Variants in TBL1X observed in about 807,000 individuals in gnomAD.
TBL1X encodes the protein F-box-like/WD repeat-containing protein TBL1X.
TBL1X carries 10 observed loss-of-function variants against 50.7 expected under a neutral mutation model. That is an observed-to-expected ratio of 0.20 (90% CI 0.12 to 0.33). The LOEUF (loss-of-function observed/expected upper bound fraction) is 0.33. TBL1X is among the 10% of genes least tolerant of loss of function. The pLI, the probability that TBL1X is intolerant of heterozygous loss-of-function variation, is 1.00. For missense variants in TBL1X, 340 were observed against 504.4 expected, an observed-to-expected ratio of 0.67 and a Z score of 3.12; for synonymous variants, 190 against 214.7, an observed-to-expected ratio of 0.88 and a Z score of 1.01.
intron 2 of TBL1X, among the ~76,000 whole-genome samples, chrX:9,549,139 G>T (rs185341998): frequency 3.1e-4 from 35 of 112,498 alleles, no homozygotes; most frequent in African/African-American, 1.1e-3. Context: ...AGTCTGGATT[G>T]CCCCCCTTTC....
chrX:9,670,620 G>T (rs1601828774), intron 5 of TBL1X, among the ~76,000 whole-genome samples: 1 of 112,274 alleles, frequency 8.9e-6, no homozygotes, highest in African/African-American at 3.2e-5. Context: ...TGATTAAGTG[G>T]CTTTGCCCAC....
chrX:9,676,611 T>G (rs1178972837), intron 5 of TBL1X, among the ~76,000 whole-genome samples: 3 of 112,081 alleles, frequency 2.7e-5, no homozygotes, highest in African/African-American at 6.5e-5. Context: ...CAGCTTCATT[T>G]TACGCTAAAT....
intron 2 of TBL1X, among the ~76,000 whole-genome samples, chrX:9,564,227 C>G (rs1170570983): frequency 9.0e-6 from 1 of 111,187 alleles, no homozygotes; most frequent in Non-Finnish European, 1.9e-5. Context: ...CAAGACCAGC[C>G]TGGCCAACAC....
At chrX:9,685,714 T>C (rs201932174) in intron 6 of TBL1X, among the ~76,000 whole-genome samples, 1 of 81,000 alleles carries the variant, frequency 1.2e-5, no homozygotes, top group Admixed American at 1.8e-4. Context: ...TTTCTTTTCT[T>C]TTCTTTTTTT....
chrX:9,555,720 G>C (rs920214737), intron 2 of TBL1X, among the ~76,000 whole-genome samples: 22 of 111,943 alleles, frequency 2.0e-4, no homozygotes, highest in African/African-American at 6.8e-4. Context: ...TTCTCTCTCA[G>C]AGAACTTTCT....
intron 5 of TBL1X, among the ~76,000 whole-genome samples, chrX:9,664,564 C>T (rs2082916265): frequency 9.0e-6 from 1 of 110,852 alleles, no homozygotes; most frequent in Non-Finnish European, 1.9e-5. Flanking sequence ...TGCATTTTTA[C>T]TGGGGGAAAA....
intron 2 of TBL1X, among the ~76,000 whole-genome samples, chrX:9,579,582 A>C (rs2082429378): frequency 9.0e-6 from 1 of 111,528 alleles, no homozygotes; most frequent in African/African-American, 3.3e-5. Context: ...TGTGGTCGTC[A>C]TTTTCCTTTA....
At chrX:9,653,079 C>A (rs2082845505) in intron 3 of TBL1X, among the ~76,000 whole-genome samples, 1 of 112,096 alleles carries the variant, frequency 8.9e-6, no homozygotes, top group South Asian at 3.7e-4. Flanking sequence ...GCAGGAGAAT[C>A]CCTTGAACCC....
chrX:9,592,537 A>G (rs1346689842), intron 2 of TBL1X, among the ~76,000 whole-genome samples: 2 of 111,748 alleles, frequency 1.8e-5, no homozygotes, highest in Non-Finnish European at 3.8e-5. Flanking sequence ...AACATTCACA[A>G]TGTTGTGTAG....
At chrX:9,464,190 G>T (rs1166447546), upstream of TBL1X, among the ~76,000 whole-genome samples, 4 of 111,282 alleles carry the variant, frequency 3.6e-5, no homozygotes, top group Non-Finnish European at 7.6e-5. Flanking sequence ...GGAGGAAGGA[G>T]CGCTGGGGAC....
chrX:9,658,858 G>A (rs1304114474), intron 5 of TBL1X, among the ~76,000 whole-genome samples: 2 of 111,975 alleles, frequency 1.8e-5, no homozygotes, highest in Non-Finnish European at 3.8e-5. Context: ...AGGCTGGAGT[G>A]CAGTGGCACG....
Position 9,711,629 on chromosome X carries a change from G to A in TBL1X, c.1458G>A (p.Thr486=), listed in dbSNP as rs5979158. The change falls in exon 16 of 18, where the codon ACG becomes ACA. Residue 486 remains threonine, a synonymous_variant. Transcript: ENST00000645353. ...IMLASASFDS[T]VRLWDIERGV... is the part of the protein sequence containing the mutation. The stretch of plus-strand genomic sequence containing the variant: ...TTGCTAGTGCTTCGTTTGATTCTAC[G>A]GTGCGACTGTGGGACATAGAACGAG... The A allele has an allele frequency of 2.0e-3, 2,428 of 1,193,361 alleles. 37 individuals carry two copies. The African/African-American group carries it at 0.038, about 19-fold the overall frequency.
At chrX:9,508,379 C>G (rs1371952695) in intron 2 of TBL1X, among the ~76,000 whole-genome samples, 2 of 112,306 alleles carry the variant, frequency 1.8e-5, no homozygotes, top group Non-Finnish European at 3.8e-5. Flanking sequence ...AAATCAAAAC[C>G]TCAATGAGAT....
intron 2 of TBL1X, among the ~76,000 whole-genome samples, chrX:9,629,048 T>C (rs774885633): frequency 8.9e-6 from 1 of 112,585 alleles, no homozygotes; most frequent in African/African-American, 3.2e-5. Flanking sequence ...ACAAACCTGC[T>C]CTACTTGTGG....
chrX:9,476,212 C>T (rs2081848834), intron 1 of TBL1X, among the ~76,000 whole-genome samples: 1 of 111,867 alleles, frequency 8.9e-6, no homozygotes, highest in Non-Finnish European at 1.9e-5. Flanking sequence ...CATTTAGGCC[C>T]CAGTAAGAAA....
chrX:9,572,280 C>T (rs903225984), intron 2 of TBL1X, among the ~76,000 whole-genome samples: 1 of 112,706 alleles, frequency 8.9e-6, no homozygotes. Flanking sequence ...TAACCCTGTG[C>T]CAGCCCACAT....
At chrX:9,673,686 A>G (rs1257614292) in intron 5 of TBL1X, among the ~76,000 whole-genome samples, 2 of 112,486 alleles carry the variant, frequency 1.8e-5, no homozygotes, top group Admixed American at 9.4e-5. Flanking sequence ...TATAGCTATC[A>G]TGTGCTACGT....
At chrX:9,585,011 A>T (rs778055075) in intron 2 of TBL1X, among the ~76,000 whole-genome samples, 104 of 111,848 alleles carry the variant, frequency 9.3e-4, no homozygotes, top group Middle Eastern at 4.6e-3. Flanking sequence ...TTCAATTTTT[A>T]AAAAAATCCA....
chrX:9,538,981 G>A (rs1003610334), intron 2 of TBL1X, among the ~76,000 whole-genome samples: 5 of 112,591 alleles, frequency 4.4e-5, no homozygotes, highest in Non-Finnish European at 9.4e-5. Flanking sequence ...TGCTGGGAAC[G>A]TGGCACTCAG....
Sources: allele counts gnomAD v4.1 joint callset (sites outside exome capture counted in the v4.1 genomes callset), GRCh38; gene constraint gnomAD v4.1.1; transcripts MANE v1.5; gene names NCBI Gene and HGNC (gene_info 2026-07-23, HGNC 2026-07-21).